Variants in NIN observed in about 807,000 individuals in gnomAD.
The protein encoded by NIN is ninein.
Under a neutral mutation model 257.6 loss-of-function variants are expected in NIN, and 137 were observed. That is an observed-to-expected ratio of 0.53 (90% CI 0.46 to 0.61). The LOEUF (loss-of-function observed/expected upper bound fraction) is 0.61. Ranked by LOEUF, NIN falls within the 20% of genes least tolerant of loss-of-function variation. The probability of loss-of-function intolerance (pLI) is 0.00; values close to 1 mark genes in which losing one functional copy is unlikely to be tolerated. For missense variants in NIN, 2,439 were observed against 2,501.2 expected, an observed-to-expected ratio of 0.98 and a Z score of 0.53; for synonymous variants, 918 against 919.8, an observed-to-expected ratio of 1.00 and a Z score of 0.04.
In NIN at chr14:50,723,568, T is replaced by C; in HGVS notation, c.6297A>G (p.Ala2099=). ...CCTCCAGGAGGTAATTTTTCTTCTC[T>C]GCTGTTTTCTGTCGCTGTTCAGTCA... The part of the protein sequence containing the change: ...LEVTEQRQKT[A]EKKNYLLEEK... Residue 2099 remains alanine, a synonymous_variant, in exon 31 of 31, where the codon GCA becomes GCG. Coordinates refer to ENST00000530997, the MANE Select transcript of NIN (RefSeq NM_020921.4). 7 of 1,613,974 alleles carry C rather than the reference T, an allele frequency of 4.3e-6. No homozygotes were observed. The highest frequency in any genetic ancestry group is 5.9e-6 in the Non-Finnish European group (7 of 1,179,870).
chr14:50,727,642 G>A (rs757856637), intron 29 of NIN: 4 of 1,443,328 alleles, frequency 2.8e-6, no homozygotes, highest in Admixed American at 1.8e-5. Context: ...GTGGGTGTGT[G>A]CATCTGTCTG....
chr14:50,796,123 C>T (rs2043827582), intron 4 of NIN, among the ~76,000 whole-genome samples: 1 of 152,184 alleles, frequency 6.6e-6, no homozygotes, highest in African/African-American at 2.4e-5. Context: ...AGTCATTTTT[C>T]CTTCTTTCCC....
intron 12 of NIN, among the ~76,000 whole-genome samples, chr14:50,767,592 C>G (rs538737246): frequency 1.3e-5 from 2 of 152,034 alleles, no homozygotes; most frequent in East Asian, 1.9e-4. Context: ...CCAAGGTGGG[C>G]GGATCATGAG....
At chr14:50,802,180 ATGCCACTG>A (rs2044131464) in intron 4 of NIN, among the ~76,000 whole-genome samples, 1 of 152,228 alleles carries the variant, frequency 6.6e-6, no homozygotes, top group Non-Finnish European at 1.5e-5. Flanking sequence ...TGAAAGAATT[ATGCCACTG>A]GCAATGCTAA....
chr14:50,817,656 T>G (rs1315753470), intron 3 of NIN, among the ~76,000 whole-genome samples: 1 of 152,164 alleles, frequency 6.6e-6, no homozygotes, highest in African/African-American at 2.4e-5. Context: ...AAATTCATAT[T>G]AAGAATATAG....
intron 4 of NIN, among the ~76,000 whole-genome samples, chr14:50,797,429 C>T (rs2043890006): frequency 6.6e-6 from 1 of 152,176 alleles, no homozygotes; most frequent in African/African-American, 2.4e-5. Flanking sequence ...AGAACCTCAG[C>T]ACAGGAGGCC....
intron 4 of NIN, among the ~76,000 whole-genome samples, chr14:50,795,676 G>A (rs1209948463): frequency 3.3e-5 from 5 of 152,194 alleles, no homozygotes; most frequent in African/African-American, 1.2e-4. Context: ...ATCTATGTCA[G>A]ATAACATGGA....
chr14:50,731,106 AGC>A, intron 28 of NIN: 1 of 322,674 alleles, frequency 3.1e-6, no homozygotes, highest in South Asian at 2.6e-5. Context: ...CATGAATAAG[AGC>A]ATATGAAAGA....
chr14:50,769,800 G>A (rs750825398), intron 12 of NIN, among the ~76,000 whole-genome samples: 3 of 151,976 alleles, frequency 2.0e-5, no homozygotes, highest in Non-Finnish European at 2.9e-5. Flanking sequence ...TTAATTAGCT[G>A]AGCATAATAA....
At chr14:50,808,907 T>A (rs2146003) in intron 3 of NIN, among the ~76,000 whole-genome samples, 4,984 of 152,274 alleles carry the variant, frequency 0.033, 295 homozygotes, top group African/African-American at 0.11. Flanking sequence ...TGACTGACTG[T>A]TCCCATTACT....
At chr14:50,724,227 G>C (rs776526661) in intron 30 of NIN, 16 of 204,604 alleles carry the variant, frequency 7.8e-5, no homozygotes, top group Non-Finnish European at 1.5e-4. Context: ...TAGAATATAT[G>C]GTCTAGGTTG....
intron 30 of NIN, among the ~76,000 whole-genome samples, chr14:50,725,148 A>C (rs1015266731): frequency 3.3e-5 from 5 of 152,096 alleles, no homozygotes; most frequent in African/African-American, 9.7e-5. Context: ...GACAACCAAA[A>C]GTTGCTGTCT....
At chr14:50,775,364 C>T (rs1039072403) in intron 7 of NIN, among the ~76,000 whole-genome samples, 2 of 152,116 alleles carry the variant, frequency 1.3e-5, no homozygotes, top group African/African-American at 4.8e-5. Flanking sequence ...AGGCATAAGA[C>T]AGTGACTCTA....
rs1371124006 is a variant in NIN at position 50,770,375 on chromosome 14, A to G, written c.1434+13T>C. 6.8e-6 allele frequency: 11 copies of G among 1,613,450 alleles called. No individual in the cohort carries two copies. In the East Asian group the frequency reaches 1.3e-4, roughly 20 times the overall value. On this transcript the variant is annotated intron_variant, in intron 12 of 30. Coordinates refer to ENST00000530997, the MANE Select transcript of NIN (RefSeq NM_020921.4). ...GGCAGGGACGCAGACCACAGAACTA[A>G]TAAGATGATTACCTTTAAAGAGAGG... is the stretch of plus-strand genomic sequence containing the variant.
rs767547168 is a variant in NIN at position 50,723,416 on chromosome 14, A to T, written c.*47T>A. 1 of 1,497,256 alleles carries T rather than the reference A, an allele frequency of 6.7e-7. No homozygotes were observed. The highest frequency in any genetic ancestry group is 1.1e-5 in the South Asian group (1 of 87,482). 92.7% of individuals were successfully genotyped at this position (1,497,256 alleles called of 1,614,324 possible). ...AAGTTGAGAACCTACTGAAATGTTC[A>T]TCTATTTCAGTAAAGTGCACAAATA... On this transcript the variant is annotated 3_prime_UTR_variant, in exon 31 of 31. Coordinates refer to ENST00000530997, the MANE Select transcript of NIN (RefSeq NM_020921.4).
Position 50,770,870 on chromosome 14 carries a change from C to T in NIN, c.1241G>A (p.Arg414Gln), listed in dbSNP as rs201493573. Residue 414 changes from arginine to glutamine, a missense_variant, in exon 11 of 31, where the codon CGG becomes CAG. Arg to Gln is a conservative substitution (Grantham distance 43). Around this residue, in one of 3 missense-constraint regions of NIN, gnomAD observed 2,043 missense variants for 2,050.2 expected, o/e 1.00. Coordinates refer to ENST00000530997, the MANE Select transcript of NIN (RefSeq NM_020921.4). ...GCCTCACCTGAGGTTGTACTCATTC[C>T]GCCGCTCTATGGCCGCATGGTGATC... is the stretch of plus-strand genomic sequence containing the variant. ...VDDHHAAIER[R>Q]NEYNLRKLDE... 6.2e-6 allele frequency: 10 copies of T among 1,613,702 alleles called. No individual in the cohort carries two copies. Among genetic ancestry groups the T allele is most frequent in the Admixed American group, 3.3e-5 (2 of 59,960 alleles).
chr14:50,821,253 C>G (rs543690606), intron 3 of NIN, among the ~76,000 whole-genome samples: 21 of 152,240 alleles, frequency 1.4e-4, no homozygotes, highest in Admixed American at 1.2e-3. Flanking sequence ...AAAAAAGACC[C>G]TCTCTCACTT....
chr14:50,777,053 G>C lies in NIN; in HGVS notation c.562C>G (p.Gln188Glu), dbSNP rs758903298. The part of the protein sequence containing the change: ...PPQDWIEEKL[Q>E]EVCEDLGITR... ...ATCCCCAAATCTTCACAAACTTCTT[G>C]CAGTTTCTCTTCTATCCAGTCTTGG... Residue 188 changes from glutamine (Q) to glutamate (E), a missense_variant, in exon 7 of 31, where the codon CAA becomes GAA. Transcript: ENST00000530997. 12 of 1,614,052 alleles carry C rather than the reference G, an allele frequency of 7.4e-6. No individual in the cohort carries two copies. The African/African-American group carries it at 8.0e-5, about 11-fold the overall frequency.
At position 50,744,915 on chromosome 14, in the gene NIN, ACT is replaced by A. The variant is rs963166484; in HGVS notation, c.5065-552_5065-551del. ...CTGCACTCCAGGCTGGGCGACAGAG[ACT>A]CTGTCTCCAAAACAAAACAAAAAAA... On this transcript the variant is annotated intron_variant, in intron 22 of 30. Coordinates refer to ENST00000530997, the MANE Select transcript of NIN (RefSeq NM_020921.4). Among the ~76,000 whole-genome samples the A allele has an allele frequency of 1.2e-4, 18 of 151,900 alleles. No individual in the cohort carries two copies. The South Asian group carries it at 2.9e-3, about 25-fold the overall frequency.
Sources: gnomAD v4.1 joint callset for allele counts (sites outside exome capture counted in the v4.1 genomes callset) on GRCh38, gnomAD v4.1.1 for gene constraint, gnomAD v4.1.1 regional missense constraint, MANE v1.5 for transcripts, NCBI Gene and HGNC (gene_info 2026-07-23, HGNC 2026-07-21) for gene names.